Variants in IPO11 observed in about 807,000 individuals in gnomAD.
IPO11 encodes importin 11, also known as importin-11.
In IPO11, 66 loss-of-function variants were observed where a neutral mutation model predicts 143.2. The ratio of observed to expected loss-of-function variants is 0.46; its 90% CI spans 0.38 to 0.57. The LOEUF (loss-of-function observed/expected upper bound fraction) is 0.57, where lower values mean the gene tolerates loss of function less well. Among genes scored for constraint, IPO11 ranks in the 20% least tolerant of loss-of-function variants. IPO11 has a pLI of 0.00. For missense variants in IPO11, 1,026 were observed against 1,141.0 expected (o/e 0.90, Z 1.45); for synonymous variants, 385 against 377.8 (o/e 1.02, Z -0.22).
intron 11 of IPO11, among the ~76,000 whole-genome samples, chr5:62,484,998 G>A (rs1188764771): frequency 6.6e-6 from 1 of 151,248 alleles, no homozygotes; most frequent in Non-Finnish European, 1.5e-5. Flanking sequence ...ATTTTTAAGA[G>A]CCCTGAAGTA....
intron 27 of IPO11, among the ~76,000 whole-genome samples, chr5:62,571,687 A>G (rs182340358): frequency 6.6e-6 from 1 of 150,596 alleles, no homozygotes; most frequent in East Asian, 1.9e-4. Context: ...ACATTATTAA[A>G]CTTTTTTTTT....
chr5:62,539,186 T>TA (rs1317891300), intron 24 of IPO11, among the ~76,000 whole-genome samples: 1 of 152,126 alleles, frequency 6.6e-6, no homozygotes, highest in Non-Finnish European at 1.5e-5. Context: ...ATTATATAAT[T>TA]AAAAAAATCA....
chr5:62,518,121 G>A lies in IPO11; in HGVS notation c.1896+2620G>A, dbSNP rs553047281. 2.8e-4 allele frequency among the ~76,000 whole-genome samples: 41 copies of A among 147,686 alleles called. 1 individual carries two copies. The East Asian group carries it at 8.0e-3, about 29-fold the overall frequency. On this transcript the variant is annotated intron_variant, in intron 20 of 29. Coordinates refer to ENST00000325324, the MANE Select transcript of IPO11 (RefSeq NM_016338.5). The stretch of plus-strand genomic sequence containing the variant: ...AGTTCGAGACCAGCCTGGCCAACAT[G>A]GTGAAACCCCGTGCCTACTAAAAAA...
intron 1 of IPO11, chr5:62,418,984 G>T: frequency 6.5e-7 from 1 of 1,543,286 alleles, no homozygotes; most frequent in Non-Finnish European, 8.8e-7. Flanking sequence ...CAATTTTGTT[G>T]TTCTATGAAC....
rs764511919 is a variant in IPO11, at chr5:62,561,276, A to G, written c.2582+19A>G. 1.9e-6 allele frequency: 3 copies of G among 1,585,080 alleles called. No individual in the cohort carries two copies. The East Asian group carries it at 6.9e-5, about 36-fold the overall frequency. On this transcript the variant is annotated intron_variant, in intron 27 of 29. Transcript: ENST00000325324. ...ATAATAGGTGAGGAAATGTTTTCTT[A>G]AAATTTGTTTCTTTCAAGCATCAAA...
chr5:62,530,818 T>C, intron 22 of IPO11, 33 bp downstream of exon 22: 1 of 1,508,654 alleles, frequency 6.6e-7, no homozygotes, highest in Non-Finnish European at 9.2e-7. Flanking sequence ...ACTAATGTTT[T>C]TGAATGCAAC....
At chr5:62,442,718 G>A (rs544095820) in intron 2 of IPO11, among the ~76,000 whole-genome samples, 2 of 152,198 alleles carry the variant, frequency 1.3e-5, no homozygotes, top group Admixed American at 1.3e-4. Context: ...CAAAAAATTA[G>A]CTGGGCTTGG....
chr5:62,591,255 T>C (rs1190936787), intron 27 of IPO11, among the ~76,000 whole-genome samples: 2 of 152,188 alleles, frequency 1.3e-5, no homozygotes, highest in Non-Finnish European at 2.9e-5. Flanking sequence ...AGAGCAGAAA[T>C]TTTTACTTGT....
At chr5:62,538,594 G>A (rs1742817200) in intron 24 of IPO11, among the ~76,000 whole-genome samples, 1 of 152,262 alleles carries the variant, frequency 6.6e-6, no homozygotes, top group South Asian at 2.1e-4. Context: ...CTTCTGCCTT[G>A]ATTGTAAGTT....
chr5:62,443,181 T>G, intron 3 of IPO11, 98 bp downstream of exon 3: 3 of 671,026 alleles, frequency 4.5e-6, no homozygotes, highest in Non-Finnish European at 7.5e-6. Flanking sequence ...TGTTAGCGCT[T>G]ACTTCTGCAG....
intron 1 of IPO11, among the ~76,000 whole-genome samples, chr5:62,435,324 G>A (rs1028727260): frequency 6.6e-6 from 1 of 150,528 alleles, no homozygotes; most frequent in South Asian, 2.1e-4. Context: ...AATTAGGCCA[G>A]ATGCCATGGC....
At chr5:62,537,386 G>A in intron 24 of IPO11, 97 bp downstream of exon 24, 1 of 792,606 alleles carries the variant, frequency 1.3e-6, no homozygotes, top group South Asian at 1.7e-5. Flanking sequence ...AAGGAGAAGA[G>A]TTGATATAGT....
chr5:62,478,779 A>G (rs951509223), intron 9 of IPO11, among the ~76,000 whole-genome samples: 4 of 151,962 alleles, frequency 2.6e-5, no homozygotes, highest in African/African-American at 9.7e-5. Context: ...CTCCTCCCAT[A>G]TTTCTTATAA....
intron 20 of IPO11, among the ~76,000 whole-genome samples, chr5:62,524,266 G>A (rs941947813): frequency 4.6e-5 from 7 of 152,044 alleles, no homozygotes; most frequent in Non-Finnish European, 1.0e-4. Flanking sequence ...ATATAGTATA[G>A]TAGAATTAGT....
intron 1 of IPO11, among the ~76,000 whole-genome samples, chr5:62,423,889 T>C (rs1743604692): frequency 1.3e-5 from 2 of 152,262 alleles, no homozygotes; most frequent in African/African-American, 4.8e-5. Flanking sequence ...TTCTTGTCTT[T>C]GGCATATTGT....
rs1275452669 is a variant in IPO11 at position 62,595,863 on chromosome 5, G to C, written c.2678+4191G>C. On this transcript the variant is annotated intron_variant, in intron 28 of 29. Transcript: ENST00000325324. ...TCTTTGCTTTCTGCTTGTCTGGTTA[G>C]AGTATTTCTCTTTTATTTCCTTCAA... Among the ~76,000 whole-genome samples the C allele has an allele frequency of 8.4e-4, 128 of 152,028 alleles. 2 individuals are homozygous for C. Among genetic ancestry groups the C allele is most frequent in the Non-Finnish European group, 4.4e-5 (3 of 68,004 alleles).
At chr5:62,582,479 G>A (rs1744605043) in intron 27 of IPO11, among the ~76,000 whole-genome samples, 1 of 152,186 alleles carries the variant, frequency 6.6e-6, no homozygotes, top group Non-Finnish European at 1.5e-5. Flanking sequence ...TTGAATCTGA[G>A]GTTCTTATTA....
chr5:62,589,801 G>A (rs1218079523), intron 27 of IPO11, among the ~76,000 whole-genome samples: 1 of 152,206 alleles, frequency 6.6e-6, no homozygotes, highest in African/African-American at 2.4e-5. Flanking sequence ...GAGATAGACT[G>A]AAGTGTGGCC....
At chr5:62,537,092 C>T in intron 23 of IPO11, 117 bp from the exon 24 acceptor site, 2 of 658,426 alleles carry the variant, frequency 3.0e-6, no homozygotes, top group African/African-American at 1.8e-5. Context: ...ATTTGATATG[C>T]TTAGACCATT....
Sources: gnomAD v4.1 joint callset for allele counts (sites outside exome capture counted in the v4.1 genomes callset) on GRCh38, gnomAD v4.1.1 for gene constraint, MANE v1.5 for transcripts, NCBI Gene and HGNC (gene_info 2026-07-23, HGNC 2026-07-21) for gene names.